SVEP1: variants seen among roughly 807,000 people sequenced by gnomAD.
The protein encoded by SVEP1 is sushi, von Willebrand factor type A, EGF and pentraxin domain containing 1.
A neutral mutation model predicts 367.3 loss-of-function variants in SVEP1; 164 were observed. That is an observed-to-expected ratio of 0.45 (90% CI 0.39 to 0.51). The LOEUF (loss-of-function observed/expected upper bound fraction) is 0.51, where lower values mean the gene tolerates loss of function less well. SVEP1 is among the 20% of genes least tolerant of loss of function. SVEP1 has a pLI of 0.00. For missense variants in SVEP1, 4,117 were observed against 4,425.3 expected, an observed-to-expected ratio of 0.93 and a Z score of 1.98; for synonymous variants, 1,666 against 1,611.6, an observed-to-expected ratio of 1.03 and a Z score of -0.81.
chr9:110,407,807 T>C lies in SVEP1; in HGVS notation c.7793A>G (p.Glu2598Gly). 4 of 1,613,976 alleles carry C rather than the reference T, an allele frequency of 2.5e-6. No individual in the cohort carries two copies. The highest frequency in any genetic ancestry group is 1.6e-4 in the Middle Eastern group (1 of 6,062). The part of the protein sequence containing the change: ...VAGHAMQTCE[E>G]SGWSSSIPTC... ...TGGGATGGAACTTGACCATCCTGAC[T>C]CTTCACAGGTCTGCATGGCATGACC... Residue 2598 changes from glutamate (E) to glycine (G), a missense_variant, in exon 38 of 48, where the codon GAG (glutamate) becomes GGG (glycine). By Grantham distance (98) the Glu-to-Gly change is moderately conservative. Coordinates refer to ENST00000374469, the MANE Select transcript of SVEP1 (RefSeq NM_153366.4).
At chr9:110,474,214 G>A (rs1235575852) in intron 14 of SVEP1, among the ~76,000 whole-genome samples, 2 of 152,064 alleles carry the variant, frequency 1.3e-5, no homozygotes, top group African/African-American at 4.8e-5. Context: ...TGGCCAAGTT[G>A]GTCTCTAACT....
Position 110,408,948 on chromosome 9 carries a change from T to C in SVEP1, c.6652A>G (p.Thr2218Ala). 6.4e-7 allele frequency: 1 copy of C among 1,571,018 alleles called. No individual in the cohort carries two copies. ...TCACTCTCAAAGATCCTGCCAGTTG[T>C]ATGCTGTGCAACAGGAAGAAAGCAA... ...PKVENGFLEH[T>A]TGRIFESEVR... Residue 2218 changes from threonine to alanine, a missense_variant, in exon 38 of 48, where the codon ACA (threonine) becomes GCA (alanine). Around this residue, in one of 4 missense-constraint regions of SVEP1, gnomAD observed 1,765 missense variants for 1,781.1 expected, o/e 0.99. Coordinates refer to ENST00000374469, the MANE Select transcript of SVEP1 (RefSeq NM_153366.4).
intron 27 of SVEP1, among the ~76,000 whole-genome samples, chr9:110,438,737 G>T (rs905147520): frequency 6.6e-6 from 1 of 152,066 alleles, no homozygotes; most frequent in Non-Finnish European, 1.5e-5. Context: ...TTTCTCTAAG[G>T]CTTTTGATAC....
At chr9:110,456,489 G>C (rs1828777689) in intron 21 of SVEP1, among the ~76,000 whole-genome samples, 1 of 151,848 alleles carries the variant, frequency 6.6e-6, no homozygotes, top group South Asian at 2.1e-4. Context: ...ACACGAGCCA[G>C]CTATAATAAA....
In SVEP1 at chr9:110,551,018, ATATT is replaced by A. The variant is rs201386670; in HGVS notation, c.532-918_532-915del. ...AGAAAAGATAAAGAAGCACCAGGGTATATTTTCTGGTAAGTTCTTAGAAGAAATT... is the reference window on the plus strand; with the variant it reads ...AGAAAAGATAAAGAAGCACCAGGGTATTCTGGTAAGTTCTTAGAAGAAATT... On this transcript the variant is annotated intron_variant, in intron 1 of 47. Transcript: ENST00000374469. Among the ~76,000 whole-genome samples the A allele has an allele frequency of 5.9e-3, 892 of 152,348 alleles. 3 individuals carry two copies. Among genetic ancestry groups the A allele is most frequent in the African/African-American group, 0.02 (844 of 41,582 alleles).
chr9:110,528,200 T>A (rs187623214), intron 3 of SVEP1, among the ~76,000 whole-genome samples: 1,564 of 97,062 alleles, frequency 0.016, 20 homozygotes, highest in Middle Eastern at 0.032. Context: ...CACATTTTCT[T>A]TAGCCACTCA....
intron 44 of SVEP1, among the ~76,000 whole-genome samples, chr9:110,378,467 T>G (rs1827385424): frequency 6.6e-6 from 1 of 152,206 alleles, no homozygotes. Flanking sequence ...CTTGTAAATT[T>G]GTTTGAGTTC....
At chr9:110,373,996 CT>C (rs554530313) in intron 46 of SVEP1, among the ~76,000 whole-genome samples, 9 of 151,938 alleles carry the variant, frequency 5.9e-5, no homozygotes, top group African/African-American at 1.7e-4. Context: ...TTCCTTTAAA[CT>C]TTTTTTTAAC....
At chr9:110,389,656 AGTAATCTTAGCTATGGCCTT>A in intron 40 of SVEP1, 69 bp from the exon 41 acceptor site, 1 of 1,573,154 alleles carries the variant, frequency 6.4e-7, no homozygotes, top group Non-Finnish European at 8.7e-7. Flanking sequence ...GGAAATGCAA[AGTAATCTTAGCTATGGCCTT>A]GAATCGCTCA....
In SVEP1 at chr9:110,425,171, A is replaced by AT. The variant is rs928897797; in HGVS notation, c.5975+2419dup. 9.2e-5 allele frequency among the ~76,000 whole-genome samples: 14 copies of AT among 151,448 alleles called. No individual in the cohort carries two copies. In the East Asian group the frequency reaches 1.7e-3, roughly 19 times the overall value. On this transcript the variant is annotated intron_variant, in intron 36 of 47. Coordinates refer to ENST00000374469, the MANE Select transcript of SVEP1 (RefSeq NM_153366.4). ...AAAATAAAACTGTCTCCTAACAGTT[A>AT]TTTTTTTTTCCTTTCAGAAAAAGAC...
At chr9:110,557,296 C>T (rs1439917005) in intron 1 of SVEP1, among the ~76,000 whole-genome samples, 1 of 151,998 alleles carries the variant, frequency 6.6e-6, no homozygotes, top group Non-Finnish European at 1.5e-5. Context: ...AGATTGAATC[C>T]CGGCATTGCA....
intron 32 of SVEP1, among the ~76,000 whole-genome samples, chr9:110,431,566 A>G (rs1450620714): frequency 6.6e-6 from 1 of 152,170 alleles, no homozygotes; most frequent in Non-Finnish European, 1.5e-5. Flanking sequence ...GATAGTGAAG[A>G]TGTGATAAAG....
At chr9:110,393,771 G>GT (rs1389204832) in intron 40 of SVEP1, among the ~76,000 whole-genome samples, 1 of 152,202 alleles carries the variant, frequency 6.6e-6, no homozygotes, top group Non-Finnish European at 1.5e-5. Context: ...TAGAACAGCA[G>GT]TCTGACATCA....
rs1564134524 is a variant in SVEP1 at position 110,408,963 on chromosome 9, G to GAAGA, written c.6649-16_6649-13dup. 1 of 1,546,494 alleles carries GAAGA rather than the reference G, an allele frequency of 6.5e-7. No individual in the cohort carries two copies. Among genetic ancestry groups the GAAGA allele is most frequent in the South Asian group, 1.3e-5 (1 of 78,980 alleles). On this transcript the variant is annotated splice_polypyrimidine_tract_variant and intron_variant, in intron 37 of 47. Coordinates refer to ENST00000374469, the MANE Select transcript of SVEP1 (RefSeq NM_153366.4). ...CTGCCAGTTGTATGCTGTGCAACAG[G>GAAGA]AAGAAAGCAAGTGAGTGCGATTTGT...
chr9:110,573,207 C>G (rs1830586531), intron 1 of SVEP1, among the ~76,000 whole-genome samples: 1 of 151,940 alleles, frequency 6.6e-6, no homozygotes, highest in African/African-American at 2.4e-5. Context: ...CCAAACTTTC[C>G]TTATTATTTC....
In SVEP1 at chr9:110,428,429, C is replaced by CACACACACACACACACACACAA. The variant is rs60798857; in HGVS notation, c.5808-672_5808-671insTTGTGTGTGTGTGTGTGTGTGT. The stretch of plus-strand genomic sequence containing the variant: ...ACACACACACACACACACACACACA[C>CACACACACACACACACACACAA]CATTAATCTCCTACAGTGTTAAGAA... On this transcript the variant is annotated intron_variant, in intron 35 of 47. Coordinates refer to ENST00000374469, the MANE Select transcript of SVEP1 (RefSeq NM_153366.4). Among the ~76,000 whole-genome samples the CACACACACACACACACACACAA allele has an allele frequency of 2.6e-4, 40 of 151,222 alleles. 1 individual carries two copies. The highest frequency in any genetic ancestry group is 9.2e-4 in the African/African-American group (38 of 41,168).
intron 46 of SVEP1, among the ~76,000 whole-genome samples, chr9:110,374,201 T>TACGTGTTC (rs1189442389): frequency 6.6e-5 from 10 of 152,320 alleles, no homozygotes; most frequent in African/African-American, 2.4e-4. Context: ...CCTACGTGTT[T>TACGTGTTC]ACGTGTTCCC....
intron 46 of SVEP1, among the ~76,000 whole-genome samples, chr9:110,375,149 T>A (rs1328823021): frequency 6.6e-6 from 1 of 152,012 alleles, no homozygotes; most frequent in Admixed American, 6.6e-5. Flanking sequence ...TTGAGTAGAC[T>A]TAGATGCTAT....
chr9:110,501,450 C>T (rs1003095463), intron 6 of SVEP1, among the ~76,000 whole-genome samples: 5 of 151,554 alleles, frequency 3.3e-5, no homozygotes, highest in African/African-American at 9.7e-5. Context: ...GATATATTTG[C>T]TATTTTAATG....
Sources: allele counts gnomAD v4.1 joint callset (sites outside exome capture counted in the v4.1 genomes callset), GRCh38; gene constraint gnomAD v4.1.1; regional missense constraint gnomAD v4.1.1; transcripts MANE v1.5; gene names NCBI Gene and HGNC (gene_info 2026-07-23, HGNC 2026-07-21).